TMCC1: variants seen among roughly 807,000 people sequenced by gnomAD.
The protein encoded by TMCC1 is transmembrane and coiled-coil domain family 1, also known as transmembrane and coiled-coil domains protein 1.
In TMCC1, 15 loss-of-function variants were observed where a neutral mutation model predicts 52.4. The observed-to-expected ratio is 0.29, with a 90% CI of 0.19 to 0.44. The LOEUF (loss-of-function observed/expected upper bound fraction) is 0.44. Among genes scored for constraint, TMCC1 ranks in the 20% least tolerant of loss-of-function variants. The probability of loss-of-function intolerance (pLI) is 1.00; values close to 1 mark genes in which losing one functional copy is unlikely to be tolerated. For synonymous variants in TMCC1, 279 were observed against 301.9 expected, an observed-to-expected ratio of 0.92 and a Z score of 0.79; for missense variants, 503 against 806.0, an observed-to-expected ratio of 0.62 and a Z score of 4.55.
At chr3:129,689,833 CA>C (rs1393303517) in intron 4 of TMCC1, among the ~76,000 whole-genome samples, 1 of 152,160 alleles carries the variant, frequency 6.6e-6, no homozygotes, top group Non-Finnish European at 1.5e-5. Flanking sequence ...CTTTCCACAA[CA>C]AATTAATAAA....
chr3:129,882,230 C>A (rs2061492232), intron 1 of TMCC1, among the ~76,000 whole-genome samples: 1 of 151,864 alleles, frequency 6.6e-6, no homozygotes, highest in Non-Finnish European at 1.5e-5. Flanking sequence ...GAAGGAGATA[C>A]ATGAATGGCT....
Position 129,673,092 on chromosome 3 carries a change from T to C in TMCC1, c.577-1828A>G, listed in dbSNP as rs59034240. Among the ~76,000 whole-genome samples, 1,229 of 152,250 alleles carry C rather than the reference T, an allele frequency of 8.1e-3. 10 individuals are homozygous for C. The highest frequency in any genetic ancestry group is 0.027 in the African/African-American group (1,123 of 41,520). On this transcript the variant is annotated intron_variant, in intron 4 of 6. Transcript: ENST00000393238. The stretch of plus-strand genomic sequence containing the variant: ...TACTGAAATTAATGACAAAATAACG[T>C]TATGCACCACTAGTGAATAAAAGAG...
At chr3:129,758,295 A>G (rs2053192970) in intron 4 of TMCC1, among the ~76,000 whole-genome samples, 1 of 152,218 alleles carries the variant, frequency 6.6e-6, no homozygotes, top group Non-Finnish European at 1.5e-5. Flanking sequence ...GTGGTACTAG[A>G]TTACAGTTGG....
At position 129,648,112 on chromosome 3, in the gene TMCC1, T is replaced by G. The variant is rs944339595; in HGVS notation, c.*3369A>C. ...CCACATTCAAAATCCCAGGTTTCAT[T>G]TGGGGTTGGGGTGTGGGAACCATAA... On this transcript the variant is annotated 3_prime_UTR_variant, in exon 7 of 7. Transcript: ENST00000393238. The G allele has an allele frequency of 6.6e-6, 1 of 152,496 alleles. No individual in the cohort carries two copies. Among genetic ancestry groups the G allele is most frequent in the African/African-American group, 2.4e-5 (1 of 41,416 alleles). The allele number at this position is 152,496 out of a possible 1,614,324, so 9.4% of individuals were successfully genotyped here.
intron 4 of TMCC1, among the ~76,000 whole-genome samples, chr3:129,719,491 G>A (rs577377281): frequency 6.6e-6 from 1 of 152,208 alleles, no homozygotes; most frequent in East Asian, 1.9e-4. Flanking sequence ...TTTACAGCCA[G>A]TTGGTCAGAA....
chr3:129,847,904 T>C (rs1274039866), intron 2 of TMCC1: 1 of 152,236 alleles, frequency 6.6e-6, no homozygotes, highest in African/African-American at 2.4e-5. Flanking sequence ...TTTAAATTTA[T>C]ATTTCCCTAA....
chr3:129,792,004 A>G (rs1448734895), intron 4 of TMCC1, among the ~76,000 whole-genome samples: 2 of 152,150 alleles, frequency 1.3e-5, no homozygotes. Flanking sequence ...AAAATTTCCA[A>G]GAGAAATTAA....
At chr3:129,709,497 A>AAG (rs59129244) in intron 4 of TMCC1, among the ~76,000 whole-genome samples, 17 of 64,062 alleles carry the variant, frequency 2.7e-4, no homozygotes, top group East Asian at 5.7e-4. Context: ...AAAAAAAAAA[A>AAG]AGAGAGAGAG....
At chr3:129,691,129 T>C (rs553477604) in intron 4 of TMCC1, among the ~76,000 whole-genome samples, 1 of 152,382 alleles carries the variant, frequency 6.6e-6, no homozygotes, top group East Asian at 1.9e-4. Flanking sequence ...TTTGGTTTTA[T>C]GGTTTGACCA....
intron 4 of TMCC1, among the ~76,000 whole-genome samples, chr3:129,698,670 T>C (rs1255760895): frequency 6.6e-6 from 1 of 152,244 alleles, no homozygotes; most frequent in Non-Finnish European, 1.5e-5. Context: ...AAGCAACTAA[T>C]TAAAAAGTAA....
intron 4 of TMCC1, among the ~76,000 whole-genome samples, chr3:129,763,542 CAAAAAAAAAA>C (rs11354197): frequency 6.7e-5 from 3 of 44,654 alleles, no homozygotes; most frequent in African/African-American, 1.6e-4. Context: ...GACCCTGTCT[CAAAAAAAAAA>C]AAAAAAAAAA....
chr3:129,664,669 T>C (rs1386546724), intron 5 of TMCC1, among the ~76,000 whole-genome samples: 1 of 152,182 alleles, frequency 6.6e-6, no homozygotes, highest in African/African-American at 2.4e-5. Context: ...AGTAGCTCAG[T>C]AGGATTCCAG....
At chr3:129,841,075 A>G (rs901665263) in intron 2 of TMCC1, among the ~76,000 whole-genome samples, 2 of 152,250 alleles carry the variant, frequency 1.3e-5, no homozygotes, top group Non-Finnish European at 2.9e-5. Context: ...GATATGGACA[A>G]TGAATCCAGG....
chr3:129,778,140 CT>C (rs1285111838), intron 4 of TMCC1, among the ~76,000 whole-genome samples: 1 of 152,186 alleles, frequency 6.6e-6, no homozygotes, highest in East Asian at 1.9e-4. Flanking sequence ...GGCTAAAGAC[CT>C]TCTGCCAGTC....
intron 5 of TMCC1, among the ~76,000 whole-genome samples, chr3:129,662,635 CA>C (rs961645658): frequency 6.6e-6 from 1 of 151,722 alleles, no homozygotes; most frequent in Admixed American, 6.6e-5. Flanking sequence ...GACTCCATCT[CA>C]AAAAAACAAA....
intron 2 of TMCC1, among the ~76,000 whole-genome samples, chr3:129,854,979 A>G (rs1455462278): frequency 6.6e-6 from 1 of 152,246 alleles, no homozygotes; most frequent in African/African-American, 2.4e-5. Flanking sequence ...GAACAAATGC[A>G]TGAACCATGC....
intron 4 of TMCC1, among the ~76,000 whole-genome samples, chr3:129,687,646 A>C (rs1399497199): frequency 6.6e-6 from 1 of 152,238 alleles, no homozygotes; most frequent in Non-Finnish European, 1.5e-5. Context: ...CAGTCATAGT[A>C]GAGGCAAAGA....
chr3:129,873,892 A>G (rs1420076376), intron 2 of TMCC1, among the ~76,000 whole-genome samples: 2 of 152,154 alleles, frequency 1.3e-5, no homozygotes, highest in Non-Finnish European at 2.9e-5. Flanking sequence ...TTGGTACCCA[A>G]AAGATTTCAG....
intron 4 of TMCC1, among the ~76,000 whole-genome samples, chr3:129,748,342 G>A (rs939753637): frequency 6.6e-6 from 1 of 152,148 alleles, no homozygotes; most frequent in African/African-American, 2.4e-5. Flanking sequence ...GCCAAGGCTG[G>A]AGTGGCATAA....
Sources: gnomAD v4.1 joint callset for allele counts (sites outside exome capture counted in the v4.1 genomes callset) on GRCh38, gnomAD v4.1.1 for gene constraint, MANE v1.5 for transcripts, NCBI Gene and HGNC (gene_info 2026-07-23, HGNC 2026-07-21) for gene names.